The following FAR2 variants were observed in gnomAD, a reference collection of about 807,000 sequenced individuals.
The protein encoded by FAR2 is epididymis secretory protein Li 81.
Under a neutral mutation model 56.0 loss-of-function variants are expected in FAR2, and 19 were observed. The observed-to-expected ratio is 0.34, with a 90% confidence interval of 0.24 to 0.50. The LOEUF is 0.50. Among genes scored for constraint, FAR2 ranks in the 20% least tolerant of loss-of-function variants. The pLI is 0.98. For missense variants in FAR2, 508 were observed against 642.2 expected (o/e 0.79, Z 2.26); for synonymous variants, 219 against 218.8 (o/e 1.00, Z -0.01).
chr12:29,241,417 A>T (rs1948032792), intron 1 of FAR2, among the ~76,000 whole-genome samples: 1 of 151,992 alleles, frequency 6.6e-6, no homozygotes, highest in South Asian at 2.1e-4. Context: ...ATTTAGATTG[A>T]TCTAGTTATT....
In FAR2 at chr12:29,196,449, G is replaced by A. The variant is rs113978555; in HGVS notation, c.-39+47042G>A. Among the ~76,000 whole-genome samples, 326 of 152,180 alleles carry A rather than the reference G, an allele frequency of 2.1e-3. 2 individuals carry two copies. The highest frequency in any genetic ancestry group is 7.4e-3 in the African/African-American group (309 of 41,540). ...ATTTCTCTGATAAGTAGTGATGTGAGTATTTTTTCATATGCTTGTTGGCCA... is the reference window on the plus strand; with the variant it reads ...ATTTCTCTGATAAGTAGTGATGTGAATATTTTTTCATATGCTTGTTGGCCA... On this transcript the variant is annotated intron_variant, in intron 1 of 11. Transcript: ENST00000536681.
chr12:29,150,125 C>A (rs1949670728), intron 1 of FAR2, among the ~76,000 whole-genome samples: 1 of 152,144 alleles, frequency 6.6e-6, no homozygotes, highest in South Asian at 2.1e-4. Context: ...CCAGCAGACT[C>A]CCAACTGGAG....
chr12:29,207,958 T>C (rs1947495648), intron 1 of FAR2, among the ~76,000 whole-genome samples: 1 of 152,228 alleles, frequency 6.6e-6, no homozygotes, highest in Admixed American at 6.5e-5. Flanking sequence ...TCCCAGCATT[T>C]TGGGAGGCCA....
chr12:29,312,934 C>G (rs959537770), intron 8 of FAR2, among the ~76,000 whole-genome samples: 1 of 152,002 alleles, frequency 6.6e-6, no homozygotes, highest in African/African-American at 2.4e-5. Context: ...ATGGAAAATA[C>G]CTGGCATGCA....
chr12:29,240,986 A>G (rs1216990318), intron 1 of FAR2, among the ~76,000 whole-genome samples: 1 of 152,092 alleles, frequency 6.6e-6, no homozygotes, highest in African/African-American at 2.4e-5. Flanking sequence ...TTGTATTTTT[A>G]GTAGAGACGG....
chr12:29,327,559 G>C (rs979413733), intron 10 of FAR2, among the ~76,000 whole-genome samples: 1 of 152,056 alleles, frequency 6.6e-6, no homozygotes, highest in Non-Finnish European at 1.5e-5. Flanking sequence ...AACAGAGATA[G>C]AGACCAATGG....
intron 1 of FAR2, among the ~76,000 whole-genome samples, chr12:29,190,804 A>G (rs551652911): frequency 1.3e-5 from 2 of 151,954 alleles, no homozygotes; most frequent in Non-Finnish European, 2.9e-5. Flanking sequence ...CGCATCACAC[A>G]TTTCCTCACT....
chr12:29,283,762 C>T (rs538185043), intron 2 of FAR2, among the ~76,000 whole-genome samples: 5 of 152,212 alleles, frequency 3.3e-5, no homozygotes, highest in African/African-American at 7.2e-5. Context: ...CAAGGGTTTC[C>T]GAGCTGCTGT....
At chr12:29,218,157 C>A (rs1417578661) in intron 1 of FAR2, among the ~76,000 whole-genome samples, 7 of 151,966 alleles carry the variant, frequency 4.6e-5, no homozygotes, top group Non-Finnish European at 5.9e-5. Context: ...GAGATCCAGA[C>A]CATCCTGGCT....
At chr12:29,296,760 G>A (rs188664325) in intron 3 of FAR2, among the ~76,000 whole-genome samples, 1 of 152,142 alleles carries the variant, frequency 6.6e-6, no homozygotes, top group Admixed American at 6.5e-5. Flanking sequence ...TTCTTTTTCC[G>A]GTTGATTAGA....
intron 10 of FAR2, among the ~76,000 whole-genome samples, chr12:29,331,257 T>C (rs912340676): frequency 6.6e-6 from 1 of 151,600 alleles, no homozygotes; most frequent in Non-Finnish European, 1.5e-5. Flanking sequence ...AAAAGTGATC[T>C]GAGAGTGCTG....
chr12:29,328,754 A>C (rs1227981277), intron 10 of FAR2, among the ~76,000 whole-genome samples: 2 of 50,326 alleles, frequency 4.0e-5, no homozygotes, highest in African/African-American at 7.9e-5. Context: ...GAGTGGGGGG[A>C]GGGGGGAGGG....
At chr12:29,158,328 A>G (rs996263835) in intron 1 of FAR2, among the ~76,000 whole-genome samples, 3 of 152,224 alleles carry the variant, frequency 2.0e-5, no homozygotes, top group Non-Finnish European at 4.4e-5. Context: ...AAAGATGGGC[A>G]CTTGTTCTTT....
chr12:29,252,718 T>C lies in FAR2; in HGVS notation c.-38-17694T>C, dbSNP rs1390796598. Among the ~76,000 whole-genome samples, 6 of 152,354 alleles carry C rather than the reference T, an allele frequency of 3.9e-5. No homozygotes were observed. In the East Asian group the frequency reaches 1.2e-3, roughly 29 times the overall value. ...TTTTTGGTTGTATGCAGGATAGTTGTATTTATGTTAGATGGAATTATAACC... is the reference window on the plus strand; with the variant it reads ...TTTTTGGTTGTATGCAGGATAGTTGCATTTATGTTAGATGGAATTATAACC... On this transcript the variant is annotated intron_variant, in intron 1 of 11. Transcript: ENST00000536681.
At chr12:29,177,176 AGAT>A (rs1949946744) in intron 1 of FAR2, among the ~76,000 whole-genome samples, 1 of 152,246 alleles carries the variant, frequency 6.6e-6, no homozygotes, top group Non-Finnish European at 1.5e-5. Flanking sequence ...AATCTTTTAG[AGAT>A]GATATTTGAG....
At chr12:29,244,943 C>T (rs1948101471) in intron 1 of FAR2, among the ~76,000 whole-genome samples, 1 of 151,980 alleles carries the variant, frequency 6.6e-6, no homozygotes, top group African/African-American at 2.4e-5. Context: ...TCCATTCCAG[C>T]CTCATTGACT....
chr12:29,176,086 T>C (rs541453057), intron 1 of FAR2, among the ~76,000 whole-genome samples: 19 of 152,356 alleles, frequency 1.2e-4, no homozygotes, highest in African/African-American at 4.6e-4. Flanking sequence ...TACATAGTAA[T>C]TAAATTTTCA....
At chr12:29,231,284 T>C (rs1947854195) in intron 1 of FAR2, among the ~76,000 whole-genome samples, 3 of 152,104 alleles carry the variant, frequency 2.0e-5, no homozygotes, top group Admixed American at 2.0e-4. Context: ...TTAGAAGCTA[T>C]TCAGGAGGCA....
chr12:29,260,748 C>T (rs894890228), intron 1 of FAR2, among the ~76,000 whole-genome samples: 1 of 152,194 alleles, frequency 6.6e-6, no homozygotes. Context: ...GTGGACCTAC[C>T]TGGGTCCAGG....
Sources: gnomAD v4.1 joint callset for allele counts (sites outside exome capture counted in the v4.1 genomes callset) on GRCh38, gnomAD v4.1.1 for gene constraint, MANE v1.5 for transcripts, NCBI Gene and HGNC (gene_info 2026-07-23, HGNC 2026-07-21) for gene names.